The following CELSR1 variants were observed in gnomAD, a reference collection of about 807,000 sequenced individuals.
CELSR1 encodes the protein adhesion G protein-coupled receptor C1.
Under a neutral mutation model 249.1 loss-of-function variants are expected in CELSR1, and 110 were observed. The observed-to-expected ratio is 0.44, with a 90% CI of 0.38 to 0.52. CELSR1 has a LOEUF of 0.52. Among genes scored for constraint, CELSR1 ranks in the 20% least tolerant of loss-of-function variants. The probability of loss-of-function intolerance (pLI) is 0.00; values close to 1 mark genes in which losing one functional copy is unlikely to be tolerated. For synonymous variants in CELSR1, 2,113 were observed against 1,900.0 expected, an observed-to-expected ratio of 1.11 and a Z score of -2.92; for missense variants, 4,109 against 4,296.4, an observed-to-expected ratio of 0.96 and a Z score of 1.22.
chr22:46,491,706 C>T (rs1338950997), intron 1 of CELSR1, among the ~76,000 whole-genome samples: 1 of 150,558 alleles, frequency 6.6e-6, no homozygotes, highest in Non-Finnish European at 1.5e-5. Context: ...ACAATCTCAG[C>T]TCACTGCAAT....
chr22:46,478,482 C>T (rs1420031060), intron 1 of CELSR1, among the ~76,000 whole-genome samples: 1 of 152,188 alleles, frequency 6.6e-6, no homozygotes, highest in Non-Finnish European at 1.5e-5. Flanking sequence ...CCATATGTTC[C>T]CTGGCCCGAC....
Position 46,398,583 on chromosome 22 carries a change from C to G in CELSR1, c.5467G>C (p.Val1823Leu). 4.3e-6 allele frequency: 7 copies of G among 1,613,888 alleles called. No homozygotes were observed. The highest frequency in any genetic ancestry group is 5.9e-6 in the Non-Finnish European group (7 of 1,179,936). ...LPGLTVRSVV[V>L]GGASEDKVSV... ...ACCTTGTCTTCAGAGGCGCCTCCGA[C>G]CACCACGCTCCTTACCGTCAGCCCG... Residue 1823 changes from valine (V) to leucine (L), a missense_variant, in exon 11 of 35, where the codon GTC becomes CTC. Val to Leu is a conservative substitution (Grantham distance 32, BLOSUM62 1). This residue lies in a region of CELSR1 where 1,805 missense variants were observed against 1,831.6 expected (regional missense o/e 0.99). Transcript: ENST00000674500. The surrounding 1 kb of genome is among the most constrained non-coding windows in gnomAD (Gnocchi z 7.2).
In CELSR1 at chr22:46,535,272, G is replaced by A. The variant is rs771699386; in HGVS notation, c.1899C>T (p.His633=). 1.9e-6 allele frequency: 3 copies of A among 1,610,618 alleles called. No homozygotes were observed. The highest frequency in any genetic ancestry group is 2.5e-6 in the Non-Finnish European group (3 of 1,180,004). The part of the protein sequence containing the change: ...APTPDFPFQI[H]NSSGWITVCA... ...ACACTGTGATCCAACCGGAGCTGTT[G>A]TGGATCTGGAAGGGGAAGTCAGGGG... is the stretch of plus-strand genomic sequence containing the variant. The change falls in exon 1 of 35, where the codon CAC becomes CAT. Residue 633 remains histidine (H), a synonymous_variant. Coordinates refer to ENST00000674500, the MANE Select transcript of CELSR1 (RefSeq NM_001378328.1).
chr22:46,533,864 C>A lies in CELSR1; in HGVS notation c.3307G>T (p.Asp1103Tyr). The A allele has an allele frequency of 1.9e-6, 3 of 1,613,814 alleles. No homozygotes were observed. Among genetic ancestry groups the A allele is most frequent in the Non-Finnish European group, 2.5e-6 (3 of 1,180,028 alleles). Residue 1103 changes from aspartate (D) to tyrosine (Y), a missense_variant, in exon 1 of 35, where the codon GAC becomes TAC. Physicochemically the swap from Asp to Tyr is radical, Grantham distance 160 (BLOSUM62 -3). Transcript: ENST00000674500. ...DQNDNPPVLP[D>Y]FQILFNNYVT... Reference sequence around the variant, plus strand: ...TAGTTGTTGAAGAGGATCTGGAAGTCGGGCAGCACAGGCGGGTTGTCATTC... The same window carrying A: ...TAGTTGTTGAAGAGGATCTGGAAGTAGGGCAGCACAGGCGGGTTGTCATTC...
rs1013779635 is a variant in CELSR1 at position 46,393,085 on chromosome 22, T to C, written c.5964+1057A>G. ...ACACTACTGACATCACGAGATGGCA[T>C]CCAAGGGTGCCCTGGTACCAGCTTC... On this transcript the variant is annotated intron_variant, in intron 14 of 34. Coordinates refer to ENST00000674500, the MANE Select transcript of CELSR1 (RefSeq NM_001378328.1). The surrounding 1 kb of genome is among the most constrained non-coding windows in gnomAD (Gnocchi z 4.1). Among the ~76,000 whole-genome samples the C allele has an allele frequency of 2.0e-5, 3 of 152,118 alleles. No individual in the cohort carries two copies. The South Asian group carries it at 6.2e-4, about 31-fold the overall frequency.
At chr22:46,416,380 C>G (rs9615995) in intron 5 of CELSR1, among the ~76,000 whole-genome samples, 38,406 of 152,120 alleles carry the variant, frequency 0.25, 5,214 homozygotes, top group African/African-American at 0.33. Context: ...CCAGAGGACC[C>G]CCCCCAACCC....
At chr22:46,486,562 G>T (rs990750213) in intron 1 of CELSR1, among the ~76,000 whole-genome samples, 1 of 143,662 alleles carries the variant, frequency 7.0e-6, no homozygotes, top group Non-Finnish European at 1.5e-5. Flanking sequence ...AAAAATAAAG[G>T]CTGGACGCAG....
In CELSR1 at chr22:46,534,262, G is replaced by A. The variant is rs1386775628; in HGVS notation, c.2909C>T (p.Ala970Val). Residue 970 changes from alanine to valine, a missense_variant, in exon 1 of 35, where the codon GCT (alanine) becomes GTT (valine). Around this residue, in one of 7 missense-constraint regions of CELSR1, gnomAD observed 886 missense variants for 896.5 expected, o/e 0.99. Transcript: ENST00000674500. This position sits in a 1 kb window ranked among gnomAD's most constrained non-coding sequence, Gnocchi z 9.7. ...GGGAGTGGGACTGCCCCGATCCACA[G>A]CCAGAGCCCAAAGGTTGTACACGGC... ...NVAVYNLWALAVDRGSPTPLS... is the reference protein window; with the variant it reads ...NVAVYNLWALVVDRGSPTPLS... The A allele has an allele frequency of 4.3e-6, 7 of 1,613,494 alleles. No individual in the cohort carries two copies. Among genetic ancestry groups the A allele is most frequent in the Non-Finnish European group, 5.9e-6 (7 of 1,180,028 alleles).
chr22:46,530,419 G>A (rs1244126927), intron 1 of CELSR1: 1 of 151,392 alleles, frequency 6.6e-6, no homozygotes, highest in African/African-American at 2.4e-5. Flanking sequence ...GAATGTCAAT[G>A]TTTCTGAAAG....
rs1435467398 is a variant in CELSR1 at position 46,500,481 on chromosome 22, A to G, written c.3544+33146T>C. Reference sequence around the variant, plus strand: ...GGGACAATGGCAAGGCTCTGGGCTTATTCAGATGACTGGGGTGTGCTGAAT... The same window carrying G: ...GGGACAATGGCAAGGCTCTGGGCTTGTTCAGATGACTGGGGTGTGCTGAAT... On this transcript the variant is annotated intron_variant, in intron 1 of 34. Coordinates refer to ENST00000674500, the MANE Select transcript of CELSR1 (RefSeq NM_001378328.1). This position sits in a 1 kb window ranked among gnomAD's most constrained non-coding sequence, Gnocchi z 4.9. Among the ~76,000 whole-genome samples, 2 of 152,180 alleles carry G rather than the reference A, an allele frequency of 1.3e-5. No individual in the cohort carries two copies. Among genetic ancestry groups the G allele is most frequent in the Non-Finnish European group, 2.9e-5 (2 of 68,036 alleles).
intron 1 of CELSR1, among the ~76,000 whole-genome samples, chr22:46,467,396 T>C (rs1200605889): frequency 6.6e-6 from 1 of 152,164 alleles, no homozygotes; most frequent in Non-Finnish European, 1.5e-5. Flanking sequence ...AATGGACTAC[T>C]ACGCTGTCAT....
Position 46,528,326 on chromosome 22 carries a change from C to T in CELSR1, c.3544+5301G>A, listed in dbSNP as rs891289487. ...ACCATCCACTCTCCACCAAAGTCAA[C>T]GGCGAGAAGGTTACTCAATCCTGTT... is the stretch of plus-strand genomic sequence containing the variant. On this transcript the variant is annotated intron_variant, in intron 1 of 34. Transcript: ENST00000674500. Among the ~76,000 whole-genome samples, 7 of 152,172 alleles carry T rather than the reference C, an allele frequency of 4.6e-5. No individual in the cohort carries two copies. The East Asian group carries it at 5.8e-4, about 13-fold the overall frequency.
chr22:46,370,193 A>C, intron 25 of CELSR1: 1 of 460,168 alleles, frequency 2.2e-6, no homozygotes, highest in Non-Finnish European at 4.3e-6. Flanking sequence ...GATGGACCCA[A>C]GGTGCAAGGG....
At chr22:46,368,974 GC>G (rs149805074) in intron 27 of CELSR1, among the ~76,000 whole-genome samples, 2,168 of 151,296 alleles carry the variant, frequency 0.014, 57 homozygotes, top group African/African-American at 0.049. Flanking sequence ...ACCTCCTCCA[GC>G]CCCCTCCCCT....
intron 2 of CELSR1, among the ~76,000 whole-genome samples, chr22:46,460,220 T>C (rs955594284): frequency 2.1e-5 from 2 of 96,698 alleles, no homozygotes; most frequent in Non-Finnish European, 4.7e-5. Context: ...CACACACCCA[T>C]TAGCTACAGT....
chr22:46,410,375 G>A lies in CELSR1; in HGVS notation c.4933+23C>T, dbSNP rs756747521. 20 of 1,602,040 alleles carry A rather than the reference G, an allele frequency of 1.2e-5. No individual in the cohort carries two copies. The East Asian group carries it at 1.6e-4, about 13-fold the overall frequency. Reference sequence around the variant, plus strand: ...AGCCAGATGCCACTGCGGCAGCTCCGACGCCCTGACGGCCACCCGTACCTT... The same window carrying A: ...AGCCAGATGCCACTGCGGCAGCTCCAACGCCCTGACGGCCACCCGTACCTT... On this transcript the variant is annotated intron_variant, in intron 7 of 34. Transcript: ENST00000674500. This position sits in a 1 kb window ranked among gnomAD's most constrained non-coding sequence, Gnocchi z 6.8.
chr22:46,439,221 C>G lies in CELSR1; in HGVS notation c.4374G>C (p.Leu1458=). 6.2e-7 allele frequency: 1 copy of G among 1,614,004 alleles called. No homozygotes were observed. Among genetic ancestry groups the G allele is most frequent in the Non-Finnish European group, 8.5e-7 (1 of 1,179,904 alleles). ...PPQSFVTFRG[L]RQRFHFTISL... ...AGATGGTGAAGTGGAAGCGCTGTCTCAGGCCCCGGAAGGTGACGAAGGACT... is the reference window on the plus strand; with the variant it reads ...AGATGGTGAAGTGGAAGCGCTGTCTGAGGCCCCGGAAGGTGACGAAGGACT... The change falls in exon 3 of 35, where the codon CTG becomes CTC. Residue 1458 remains leucine, a synonymous_variant. Transcript: ENST00000674500.
In CELSR1 at chr22:46,427,510, C is replaced by T. The variant is rs563156152; in HGVS notation, c.4611+5883G>A. Among the ~76,000 whole-genome samples the T allele has an allele frequency of 3.3e-5, 5 of 152,248 alleles. No individual in the cohort carries two copies. In the East Asian group the frequency reaches 7.7e-4, roughly 24 times the overall value. On this transcript the variant is annotated intron_variant, in intron 5 of 34. Coordinates refer to ENST00000674500, the MANE Select transcript of CELSR1 (RefSeq NM_001378328.1). This position sits in a 1 kb window ranked among gnomAD's most constrained non-coding sequence, Gnocchi z 4.2. Reference sequence around the variant, plus strand: ...CAAGACAGCAACAAAGGCGCCTGGGCGACAGAGCGGGACTCCATCTCAAAA... The same window carrying T: ...CAAGACAGCAACAAAGGCGCCTGGGTGACAGAGCGGGACTCCATCTCAAAA...
chr22:46,525,039 C>T (rs1486543576), intron 1 of CELSR1, among the ~76,000 whole-genome samples: 1 of 152,176 alleles, frequency 6.6e-6, no homozygotes, highest in Non-Finnish European at 1.5e-5. Context: ...AGCCCAGGGG[C>T]CTCCAAGAGG....
Sources: gnomAD v4.1 joint callset for allele counts (sites outside exome capture counted in the v4.1 genomes callset) on GRCh38, gnomAD v4.1.1 for gene constraint, gnomAD v4.1.1 regional missense constraint, Gnocchi (gnomAD v3.1) non-coding constraint, MANE v1.5 for transcripts, NCBI Gene and HGNC (gene_info 2026-07-23, HGNC 2026-07-21) for gene names.